The following AGFG1 variants were observed in gnomAD, a reference collection of about 807,000 sequenced individuals.
The protein encoded by AGFG1 is arf-GAP domain and FG repeat-containing protein 1.
In AGFG1, 10 loss-of-function variants were observed where a neutral mutation model predicts 60.6. The observed-to-expected ratio is 0.16, with a 90% CI of 0.10 to 0.28. The LOEUF (loss-of-function observed/expected upper bound fraction) is 0.28, where lower values mean the gene tolerates loss of function less well. Ranked by LOEUF, AGFG1 falls within the 10% of genes least tolerant of loss-of-function variation. The pLI is 1.00. For missense variants in AGFG1, 537 were observed against 676.5 expected (o/e 0.79, Z 2.29); for synonymous variants, 247 against 242.9 (o/e 1.02, Z -0.16).
chr2:227,487,517 T>C (rs552354368), intron 1 of AGFG1, among the ~76,000 whole-genome samples: 3 of 152,358 alleles, frequency 2.0e-5, no homozygotes, highest in Admixed American at 6.5e-5. Flanking sequence ...AACCATTTCC[T>C]CTTTGGTGTG....
chr2:227,525,786 T>G (rs1042537241), intron 5 of AGFG1, among the ~76,000 whole-genome samples: 1 of 152,166 alleles, frequency 6.6e-6, no homozygotes, highest in Non-Finnish European at 1.5e-5. Flanking sequence ...GGAGGATGGG[T>G]GGCTGGGGAT....
intron 6 of AGFG1, chr2:227,532,259 C>T (rs1165523834): frequency 4.3e-6 from 6 of 1,404,116 alleles, no homozygotes; most frequent in Non-Finnish European, 5.8e-6. Context: ...TATATTTTTG[C>T]TATACTTCAA....
Position 227,536,934 on chromosome 2 carries a change from C to CTGG in AGFG1, c.1321_1323dup (p.Gly441dup). 6.2e-7 allele frequency: 1 copy of CTGG among 1,612,906 alleles called. No homozygotes were observed. Among genetic ancestry groups the CTGG allele is most frequent in the Non-Finnish European group, 8.5e-7 (1 of 1,179,298 alleles). ...TCCACAAATCCATTTGTTGCTGCTG[C>CTGG]TGGTCCTTCTGTGGCATCTTCTACA... On this transcript the variant is annotated inframe_insertion, in exon 10 of 13. Coordinates refer to ENST00000310078, the MANE Select transcript of AGFG1 (RefSeq NM_004504.5).
intron 5 of AGFG1, among the ~76,000 whole-genome samples, chr2:227,527,130 C>T (rs1423779100): frequency 6.6e-6 from 1 of 152,074 alleles, no homozygotes; most frequent in Non-Finnish European, 1.5e-5. Flanking sequence ...GTGAAAAGAA[C>T]CTGGGCTTTG....
At chr2:227,494,609 GCAGGCAAGCACCATGAATGA>G (rs924085620) in intron 2 of AGFG1, among the ~76,000 whole-genome samples, 4 of 152,218 alleles carry the variant, frequency 2.6e-5, no homozygotes, top group South Asian at 2.1e-4. Flanking sequence ...GCTGGCTTAA[GCAGGCAAGCACCATGAATGA>G]TGAATGACTT....
At chr2:227,549,063 A>G (rs903389728) in intron 10 of AGFG1, among the ~76,000 whole-genome samples, 1 of 152,194 alleles carries the variant, frequency 6.6e-6, no homozygotes, top group African/African-American at 2.4e-5. Flanking sequence ...TTAGCAAGAA[A>G]GTTACATTCA....
In AGFG1 at chr2:227,560,113, A is replaced by G. The variant is rs1414400829; in HGVS notation, c.*5618A>G. 1 of 151,990 alleles carries G rather than the reference A, an allele frequency of 6.6e-6. No individual in the cohort carries two copies. The highest frequency in any genetic ancestry group is 1.5e-5 in the Non-Finnish European group (1 of 67,952). 9.4% of individuals were successfully genotyped at this position (151,990 alleles called of 1,614,324 possible). On this transcript the variant is annotated 3_prime_UTR_variant, in exon 13 of 13. Coordinates refer to ENST00000310078, the MANE Select transcript of AGFG1 (RefSeq NM_004504.5). The stretch of plus-strand genomic sequence containing the variant: ...ATGCCTCTTCCTGTTCTTATTTTAA[A>G]TGTTCAAGTTTGTGACTTGGTTCTT...
At position 227,523,782 on chromosome 2, in the gene AGFG1, G is replaced by A. The variant is rs1691894327; in HGVS notation, c.397G>A (p.Ala133Thr). 2 of 1,613,184 alleles carry A rather than the reference G, an allele frequency of 1.2e-6. No individual in the cohort carries two copies. Among genetic ancestry groups the A allele is most frequent in the Non-Finnish European group, 1.7e-6 (2 of 1,179,428 alleles). ...KKRWYVPPEQ[A>T]KVVASVHASI... ...TTTTAGGTATGTCCCGCCAGAACAA[G>A]CCAAAGTCGTGGCATCAGTTCATGC... Residue 133 changes from alanine (A) to threonine (T), a missense_variant, in exon 4 of 13, where the codon GCC (alanine) becomes ACC (threonine). This residue lies in a region of AGFG1 where 120 missense variants were observed against 198.5 expected (regional missense o/e 0.60). Transcript: ENST00000310078.
At chr2:227,536,223 G>T (rs370337017) in intron 8 of AGFG1, among the ~76,000 whole-genome samples, 1 of 127,768 alleles carries the variant, frequency 7.8e-6, no homozygotes, top group African/African-American at 3.0e-5. Flanking sequence ...CTGTGTCCAT[G>T]TGTTGTTCTT....
chr2:227,504,052 T>G (rs963377223), intron 2 of AGFG1, among the ~76,000 whole-genome samples: 2 of 152,058 alleles, frequency 1.3e-5, no homozygotes, highest in South Asian at 2.1e-4. Context: ...ATTTACTGTT[T>G]ATTAAGTGGA....
At position 227,560,082 on chromosome 2, in the gene AGFG1, C is replaced by G. The variant is rs988607054; in HGVS notation, c.*5587C>G. ...TCGTTTATTTTATATATGGCTCTCTCTCTGTATGCCTCTTCCTGTTCTTAT... is the reference window on the plus strand; with the variant it reads ...TCGTTTATTTTATATATGGCTCTCTGTCTGTATGCCTCTTCCTGTTCTTAT... On this transcript the variant is annotated 3_prime_UTR_variant, in exon 13 of 13. Transcript: ENST00000310078. 1 of 152,056 alleles carries G rather than the reference C, an allele frequency of 6.6e-6. No homozygotes were observed. Among genetic ancestry groups the G allele is most frequent in the South Asian group, 2.1e-4 (1 of 4,828 alleles). 9.4% of individuals were successfully genotyped at this position (152,056 alleles called of 1,614,324 possible).
intron 1 of AGFG1, among the ~76,000 whole-genome samples, chr2:227,490,454 T>C (rs1690776055): frequency 6.6e-6 from 1 of 151,900 alleles, no homozygotes; most frequent in Non-Finnish European, 1.5e-5. Flanking sequence ...GGCGGGTACC[T>C]GTAGTCCCAG....
chr2:227,549,434 C>T (rs979010648), intron 10 of AGFG1, among the ~76,000 whole-genome samples: 3 of 152,154 alleles, frequency 2.0e-5, no homozygotes, highest in African/African-American at 7.2e-5. Flanking sequence ...TCAAACATGC[C>T]AGGTGAGTAA....
Position 227,558,414 on chromosome 2 carries a change from A to C in AGFG1, c.*3919A>C, listed in dbSNP as rs1355833416. 1 of 152,080 alleles carries C rather than the reference A, an allele frequency of 6.6e-6. No homozygotes were observed. Among genetic ancestry groups the C allele is most frequent in the Non-Finnish European group, 1.5e-5 (1 of 68,004 alleles). 9.4% of individuals were successfully genotyped at this position (152,080 alleles called of 1,614,324 possible). On this transcript the variant is annotated 3_prime_UTR_variant, in exon 13 of 13. Coordinates refer to ENST00000310078, the MANE Select transcript of AGFG1 (RefSeq NM_004504.5). ...TCTTGGTTTTTTTTTTTAACTTTAG[A>C]AGTAAATTAATATGGTAACTAGTGG... is the stretch of plus-strand genomic sequence containing the variant.
At chr2:227,533,379 T>TA (rs1349866126) in intron 6 of AGFG1, among the ~76,000 whole-genome samples, 170 bp from the exon 7 acceptor site, 2 of 152,200 alleles carry the variant, frequency 1.3e-5, no homozygotes, top group Non-Finnish European at 2.9e-5. Context: ...AATCTACTTT[T>TA]ACAAAATTGG....
chr2:227,482,510 A>G (rs1043982343), intron 1 of AGFG1, among the ~76,000 whole-genome samples: 7 of 152,190 alleles, frequency 4.6e-5, no homozygotes, highest in African/African-American at 1.2e-4. Context: ...GCTATGAAAC[A>G]TATGTAATAT....
chr2:227,532,029 C>A, intron 6 of AGFG1: 1 of 836,884 alleles, frequency 1.2e-6, no homozygotes, highest in Non-Finnish European at 1.7e-6. Context: ...TGGCTGATTA[C>A]TTTTCTTTCA....
chr2:227,559,793 A>G lies in AGFG1; in HGVS notation c.*5298A>G, dbSNP rs1340750504. ...GCCAAGGAGCCTTCTAATTTTGACT[A>G]TATGATCATTAACTAAAGGCAGCAA... On this transcript the variant is annotated 3_prime_UTR_variant, in exon 13 of 13. Coordinates refer to ENST00000310078, the MANE Select transcript of AGFG1 (RefSeq NM_004504.5). 4 of 152,220 alleles carry G rather than the reference A, an allele frequency of 2.6e-5. No homozygotes were observed. Among genetic ancestry groups the G allele is most frequent in the Non-Finnish European group, 5.9e-5 (4 of 68,032 alleles). 9.4% of individuals were successfully genotyped at this position (152,220 alleles called of 1,614,324 possible). A position where few individuals can be genotyped will look rare whatever the true frequency, so the allele number is the denominator to read the frequency against.
chr2:227,483,592 G>T (rs754544033), intron 1 of AGFG1, among the ~76,000 whole-genome samples: 7 of 152,052 alleles, frequency 4.6e-5, no homozygotes, highest in South Asian at 2.1e-4. Context: ...TTTCTAGATT[G>T]CCTTTTTTCA....
Sources: gnomAD v4.1 joint callset for allele counts (sites outside exome capture counted in the v4.1 genomes callset) on GRCh38, gnomAD v4.1.1 for gene constraint, gnomAD v4.1.1 regional missense constraint, MANE v1.5 for transcripts, NCBI Gene and HGNC (gene_info 2026-07-23, HGNC 2026-07-21) for gene names.